DPP10: variants seen among roughly 807,000 people sequenced by gnomAD.
The protein encoded by DPP10 is inactive dipeptidyl peptidase 10.
Under a neutral mutation model 120.9 loss-of-function variants are expected in DPP10, and 33 were observed. That is an observed-to-expected ratio of 0.27 (90% CI 0.21 to 0.37). DPP10 has a LOEUF of 0.37. Among genes scored for constraint, DPP10 ranks in the 10% least tolerant of loss-of-function variants. The pLI, the probability that DPP10 is intolerant of heterozygous loss-of-function variation, is 1.00. For missense variants in DPP10, 816 were observed against 942.8 expected (o/e 0.87, Z 1.76); for synonymous variants, 337 against 326.1 (o/e 1.03, Z -0.36).
chr2:115,115,909 G>C (rs936786515), intron 1 of DPP10, among the ~76,000 whole-genome samples: 2 of 152,162 alleles, frequency 1.3e-5, no homozygotes, highest in Non-Finnish European at 2.9e-5. Context: ...ACTTTGAAAA[G>C]AGGTTGTATA....
chr2:114,956,419 T>C (rs1263530643), intron 1 of DPP10, among the ~76,000 whole-genome samples: 2 of 151,808 alleles, frequency 1.3e-5, no homozygotes, highest in Non-Finnish European at 2.9e-5. Context: ...TATTGAAACT[T>C]TTAAAACATT....
chr2:114,477,114 C>T (rs1680467633), intron 1 of DPP10, among the ~76,000 whole-genome samples: 1 of 151,958 alleles, frequency 6.6e-6, no homozygotes, highest in South Asian at 2.1e-4. Context: ...TGCGCACCAC[C>T]ACACTGGCTA....
At chr2:115,804,399 G>C (rs889929865) in intron 19 of DPP10, among the ~76,000 whole-genome samples, 5 of 152,122 alleles carry the variant, frequency 3.3e-5, no homozygotes, top group Non-Finnish European at 5.9e-5. Context: ...GCTCGGAGTA[G>C]TTTGATCTTC....
chr2:115,154,492 A>T (rs976319030), intron 1 of DPP10, among the ~76,000 whole-genome samples: 13 of 152,172 alleles, frequency 8.5e-5, no homozygotes, highest in African/African-American at 3.1e-4. Flanking sequence ...TATTCAGAGG[A>T]ATATCAAGAC....
chr2:115,108,990 A>C (rs1210705698), intron 1 of DPP10, among the ~76,000 whole-genome samples: 1 of 151,920 alleles, frequency 6.6e-6, no homozygotes, highest in Non-Finnish European at 1.5e-5. Context: ...AGCCATAGCT[A>C]TGTAGAAAAA....
intron 1 of DPP10, among the ~76,000 whole-genome samples, chr2:114,805,219 A>G (rs995336851): frequency 6.6e-6 from 1 of 152,162 alleles, no homozygotes; most frequent in East Asian, 1.9e-4. Flanking sequence ...TTTTCTTCCC[A>G]GTCTCAGATA....
intron 7 of DPP10, among the ~76,000 whole-genome samples, chr2:115,694,198 C>T (rs1350086063): frequency 2.6e-5 from 4 of 152,018 alleles, no homozygotes; most frequent in African/African-American, 9.7e-5. Context: ...GTTTGGCATG[C>T]TTTGTCAATA....
At chr2:115,240,954 AC>A (rs1436948307) in intron 1 of DPP10, among the ~76,000 whole-genome samples, 8 of 152,182 alleles carry the variant, frequency 5.3e-5, no homozygotes, top group Admixed American at 5.2e-4. Flanking sequence ...GATACCAGAG[AC>A]TTTTCATGGC....
chr2:115,556,253 A>G (rs568394348), intron 5 of DPP10, among the ~76,000 whole-genome samples: 1 of 152,010 alleles, frequency 6.6e-6, no homozygotes, highest in African/African-American at 2.4e-5. Flanking sequence ...CCTAGATCAA[A>G]CTTGGTCAAT....
chr2:114,704,202 A>G (rs1700551562), intron 1 of DPP10, among the ~76,000 whole-genome samples: 1 of 152,162 alleles, frequency 6.6e-6, no homozygotes, highest in African/African-American at 2.4e-5. Context: ...CTGAAGCTGT[A>G]ATTGTGCTGG....
At chr2:115,335,029 G>C (rs1044349626) in intron 2 of DPP10, among the ~76,000 whole-genome samples, 5 of 151,634 alleles carry the variant, frequency 3.3e-5, no homozygotes, top group African/African-American at 1.2e-4. Context: ...TTACAGTTCT[G>C]TATGGCTGGG....
chr2:114,907,529 ACTT>A (rs778158002), intron 1 of DPP10, among the ~76,000 whole-genome samples: 6 of 152,092 alleles, frequency 3.9e-5, no homozygotes, highest in Admixed American at 6.5e-5. Flanking sequence ...CTATTTTCTA[ACTT>A]CCTATCTGTG....
chr2:115,203,012 G>C (rs145921968), intron 1 of DPP10, among the ~76,000 whole-genome samples: 1 of 152,238 alleles, frequency 6.6e-6, no homozygotes, highest in East Asian at 1.9e-4. Context: ...ATTTTGCATA[G>C]AAATAAAGGC....
At chr2:115,046,409 G>A (rs555985385) in intron 1 of DPP10, among the ~76,000 whole-genome samples, 6 of 152,120 alleles carry the variant, frequency 3.9e-5, no homozygotes, top group African/African-American at 1.4e-4. Flanking sequence ...ACAACCCCTG[G>A]GCATTTTTAA....
At chr2:115,618,669 C>T (rs2084708314) in intron 5 of DPP10, among the ~76,000 whole-genome samples, 1 of 152,150 alleles carries the variant, frequency 6.6e-6, no homozygotes, top group Admixed American at 6.5e-5. Flanking sequence ...TATATGATTT[C>T]AGTGCTTATA....
chr2:115,840,314 TTTTGG>T lies in DPP10; in HGVS notation c.2183-432_2183-428del, dbSNP rs1245216074. Among the ~76,000 whole-genome samples the T allele has an allele frequency of 3.6e-4, 32 of 87,856 alleles. 7 individuals carry two copies. The highest frequency in any genetic ancestry group is 3.3e-3 in the East Asian group (10 of 3,026). 57.6% of individuals were successfully genotyped at this position (87,856 alleles called of 152,430 possible). A position where few individuals can be genotyped will look rare whatever the true frequency, so the allele number is the denominator to read the frequency against. ...TCTACCTAAAGCCAGATATAAGGTT[TTTTGG>T]TTTTTTTTTTTTTTTTTTTTTTGAG... On this transcript the variant is annotated intron_variant, in intron 24 of 25. Coordinates refer to ENST00000410059, the MANE Select transcript of DPP10 (RefSeq NM_020868.6).
intron 21 of DPP10, among the ~76,000 whole-genome samples, chr2:115,834,831 A>G (rs1029089663): frequency 6.6e-6 from 1 of 152,240 alleles, no homozygotes; most frequent in Non-Finnish European, 1.5e-5. Flanking sequence ...TCACGCCTGT[A>G]ATCCCAGCAC....
At chr2:115,482,347 A>T (rs1461744013) in intron 3 of DPP10, among the ~76,000 whole-genome samples, 1 of 151,926 alleles carries the variant, frequency 6.6e-6, no homozygotes, top group Non-Finnish European at 1.5e-5. Flanking sequence ...AAATTAGCAT[A>T]TTCATCATCT....
chr2:114,537,848 G>A (rs1287691125), intron 1 of DPP10, among the ~76,000 whole-genome samples: 1 of 152,174 alleles, frequency 6.6e-6, no homozygotes, highest in Non-Finnish European at 1.5e-5. Context: ...CACATAAATG[G>A]ATTATGTGTA....
Sources: allele counts gnomAD v4.1 joint callset (sites outside exome capture counted in the v4.1 genomes callset), GRCh38; gene constraint gnomAD v4.1.1; transcripts MANE v1.5; gene names NCBI Gene and HGNC (gene_info 2026-07-23, HGNC 2026-07-21).